Variants in CRACR2A observed in about 807,000 individuals in gnomAD.
CRACR2A encodes calcium release activated channel regulator 2A.
A neutral mutation model predicts 90.5 loss-of-function variants in CRACR2A; 79 were observed. The observed-to-expected ratio is 0.87, with a 90% confidence interval of 0.73 to 1.05. CRACR2A has a LOEUF of 1.05. CRACR2A is among the 50% of genes least tolerant of loss of function. CRACR2A has a pLI of 0.00. For missense variants in CRACR2A, 823 were observed against 897.2 expected, an observed-to-expected ratio of 0.92 and a Z score of 1.06; for synonymous variants, 338 against 356.7, an observed-to-expected ratio of 0.95 and a Z score of 0.59.
At chr12:3,654,674 A>C (rs888270031) in intron 9 of CRACR2A, among the ~76,000 whole-genome samples, 33 of 152,198 alleles carry the variant, frequency 2.2e-4, no homozygotes, top group Non-Finnish European at 3.8e-4. Context: ...CAAAAAGACC[A>C]CTAGCAAAGG....
chr12:3,678,807 G>T (rs1945385974), intron 6 of CRACR2A, 108 bp downstream of exon 6: 2 of 1,282,812 alleles, frequency 1.6e-6, no homozygotes, highest in South Asian at 3.0e-5. Context: ...CTGCATTCCA[G>T]TGCAGGGACC....
intron 2 of CRACR2A, among the ~76,000 whole-genome samples, chr12:3,720,464 AAAGC>A (rs1236159224): frequency 6.6e-6 from 1 of 150,906 alleles, no homozygotes; most frequent in African/African-American, 2.5e-5. Context: ...AGAAAGAAAG[AAAGC>A]AAAAGAAAAA....
In CRACR2A at chr12:3,733,600, G is replaced by A. The variant is rs146178546; in HGVS notation, c.-386-390C>T. 1.3e-3 allele frequency among the ~76,000 whole-genome samples: 205 copies of A among 152,284 alleles called. 2 individuals carry two copies. The highest frequency in any genetic ancestry group is 4.8e-3 in the African/African-American group (199 of 41,552). ...TTCTGCAGCCACTTTGTGACCATGA[G>A]GAGGAAGCCTGAGGCAGAACAGAAG... On this transcript the variant is annotated intron_variant, in intron 1 of 19. Transcript: ENST00000440314.
chr12:3,648,276 A>G, intron 11 of CRACR2A: 2 of 1,374,548 alleles, frequency 1.5e-6, no homozygotes, highest in Non-Finnish European at 1.9e-6. Flanking sequence ...TACCAAGCAC[A>G]GTCCTGTGAG....
At chr12:3,642,443 G>A (rs1944591962) in intron 12 of CRACR2A, among the ~76,000 whole-genome samples, 1 of 152,088 alleles carries the variant, frequency 6.6e-6, no homozygotes, top group South Asian at 2.1e-4. Context: ...TTGAATTCTT[G>A]GCCTTAAGTG....
At chr12:3,619,104 A>G (rs771065044) in intron 18 of CRACR2A, among the ~76,000 whole-genome samples, 167 bp downstream of exon 18, 1 of 152,202 alleles carries the variant, frequency 6.6e-6, no homozygotes, top group African/African-American at 2.4e-5. Flanking sequence ...AAAGTTCTAC[A>G]TGCACAGGAG....
At chr12:3,716,359 C>T (rs1565499630) in intron 2 of CRACR2A, among the ~76,000 whole-genome samples, 1 of 152,140 alleles carries the variant, frequency 6.6e-6, no homozygotes, top group Non-Finnish European at 1.5e-5. Flanking sequence ...GGTCTTGATC[C>T]CACTTGTTTG....
rs1358549083 is a variant in CRACR2A at position 3,633,646 on chromosome 12, A to G, written c.1693T>C (p.Phe565Leu). 6.4e-7 allele frequency: 1 copy of G among 1,551,524 alleles called. No individual in the cohort carries two copies. The highest frequency in any genetic ancestry group is 8.7e-7 in the Non-Finnish European group (1 of 1,146,980). ...CCTGGGGAGAACCGGTCCTCACAGA[A>G]TCTCCTCAGGAAGGATGTCTTCCCC... ...AVGKTSFLRR[F>L]CEDRFSPGMA... Residue 565 changes from phenylalanine (F) to leucine (L), a missense_variant, in exon 15 of 20, where the codon TTC becomes CTC. Coordinates refer to ENST00000440314, the MANE Select transcript of CRACR2A (RefSeq NM_001144958.2). This position sits in a 1 kb window ranked among gnomAD's most constrained non-coding sequence, Gnocchi z 4.5.
intron 2 of CRACR2A, chr12:3,732,237 C>A (rs978741308): frequency 6.6e-6 from 1 of 152,174 alleles, no homozygotes; most frequent in African/African-American, 2.4e-5. Context: ...GGCTGAGTAC[C>A]CGACCTTGTG....
intron 7 of CRACR2A, among the ~76,000 whole-genome samples, chr12:3,672,066 T>G (rs913371007): frequency 1.3e-5 from 2 of 152,226 alleles, no homozygotes; most frequent in African/African-American, 4.8e-5. Flanking sequence ...CAGAATGTTC[T>G]TAACAGTTCT....
At chr12:3,693,517 T>C (rs10848910) in intron 4 of CRACR2A, among the ~76,000 whole-genome samples, 29,104 of 152,120 alleles carry the variant, frequency 0.19, 3,370 homozygotes, top group Middle Eastern at 0.3. Context: ...TGCTAACAAA[T>C]TCCCTCAGCA....
intron 1 of CRACR2A, among the ~76,000 whole-genome samples, chr12:3,745,207 C>T (rs745684867): frequency 4.6e-5 from 7 of 152,186 alleles, no homozygotes; most frequent in African/African-American, 4.8e-5. Context: ...CCAGAAGACC[C>T]GAAAACCAAA....
intron 6 of CRACR2A, among the ~76,000 whole-genome samples, chr12:3,673,852 G>T (rs1051916720): frequency 6.6e-6 from 1 of 152,186 alleles, no homozygotes; most frequent in Non-Finnish European, 1.5e-5. Flanking sequence ...AAGAGAGGTG[G>T]AGTGAGCTGT....
At chr12:3,666,364 T>TGTGTGTGTGTGTGTGTGCGCGCGCGC (rs765943563) in intron 7 of CRACR2A, among the ~76,000 whole-genome samples, 2 of 149,498 alleles carry the variant, frequency 1.3e-5, no homozygotes, top group African/African-American at 5.0e-5. Flanking sequence ...TGCGTGCGTG[T>TGTGTGTGTGTGTGTGTGCGCGCGCGC]GCGCGTGCGC....
rs1944492992 is a variant in CRACR2A, at chr12:3,638,192, C to A, written c.1534G>T (p.Ala512Ser). 1.3e-6 allele frequency: 2 copies of A among 1,551,182 alleles called. No individual in the cohort carries two copies. Among genetic ancestry groups the A allele is most frequent in the Middle Eastern group, 1.7e-4 (1 of 5,998 alleles). The change falls in exon 14 of 20, where the codon GCC (alanine) becomes TCC (serine). Residue 512 changes from alanine (A) to serine (S), a missense_variant. Transcript: ENST00000440314. ...GTGGGGGTGAGTTTCAAGGGTGGGG[C>A]CTCCGGGATTTGTCCCTGTACCCCC... ...DQGVQGQIPEAPPLKLTPTSP... is the reference protein window; with the variant it reads ...DQGVQGQIPESPPLKLTPTSP...
At chr12:3,619,802 T>C (rs1944098941) in intron 17 of CRACR2A, among the ~76,000 whole-genome samples, 1 of 152,184 alleles carries the variant, frequency 6.6e-6, no homozygotes, top group African/African-American at 2.4e-5. Flanking sequence ...GAATGCCCCA[T>C]GGTTTGGAGT....
At chr12:3,667,579 C>T (rs1037262858) in intron 7 of CRACR2A, among the ~76,000 whole-genome samples, 3 of 152,202 alleles carry the variant, frequency 2.0e-5, no homozygotes, top group Non-Finnish European at 2.9e-5. Flanking sequence ...AAGAAGTCTG[C>T]TCTTTGCAAG....
chr12:3,677,672 G>A (rs1945360108), intron 6 of CRACR2A, among the ~76,000 whole-genome samples: 1 of 152,182 alleles, frequency 6.6e-6, no homozygotes, highest in Admixed American at 6.5e-5. Flanking sequence ...GCTGGGTCAG[G>A]TGTATGACTA....
chr12:3,720,294 A>AAAGG (rs1946140467), intron 2 of CRACR2A, among the ~76,000 whole-genome samples: 1 of 148,680 alleles, frequency 6.7e-6, no homozygotes, highest in Admixed American at 6.7e-5. Flanking sequence ...AGAAAGAAAG[A>AAAGG]AAAAGAAAGA....
Sources: allele counts gnomAD v4.1 joint callset (sites outside exome capture counted in the v4.1 genomes callset), GRCh38; gene constraint gnomAD v4.1.1; non-coding constraint Gnocchi (gnomAD v3.1); transcripts MANE v1.5; gene names NCBI Gene and HGNC (gene_info 2026-07-23, HGNC 2026-07-21).